The following MDGA2 variants were observed in gnomAD, a reference collection of about 807,000 sequenced individuals.
MDGA2 encodes MAM domain containing glycosylphosphatidylinositol anchor 2, also known as MAM domain-containing glycosylphosphatidylinositol anchor protein 2.
In MDGA2, 40 loss-of-function variants were observed where a neutral mutation model predicts 117.8. The observed-to-expected ratio is 0.34, with a 90% CI of 0.26 to 0.44. The LOEUF is 0.44. Ranked by LOEUF, MDGA2 falls within the 20% of genes least tolerant of loss-of-function variation. MDGA2 has a pLI of 1.00. For missense variants in MDGA2, 1,123 were observed against 1,250.6 expected (o/e 0.90, Z 1.54); for synonymous variants, 452 against 439.0 (o/e 1.03, Z -0.37).
rs1419829398 is a variant in MDGA2, at chr14:47,235,027, T to C, written c.421-16832A>G. ...TGAAATGATCAAAATCTTCATTATC[T>C]TATTGATTTTAAAAGAGTGTGAGAT... On this transcript the variant is annotated intron_variant, in intron 2 of 16. Transcript: ENST00000399232. Among the ~76,000 whole-genome samples, 5 of 152,298 alleles carry C rather than the reference T, an allele frequency of 3.3e-5. No individual in the cohort carries two copies. The East Asian group carries it at 9.7e-4, about 29-fold the overall frequency.
intron 1 of MDGA2, among the ~76,000 whole-genome samples, chr14:47,312,695 T>TTG (rs1889678132): frequency 7.8e-6 from 1 of 128,790 alleles, no homozygotes; most frequent in South Asian, 2.4e-4. Flanking sequence ...TTTGTTTTGT[T>TTG]TTGTTTTTTT....
At chr14:47,572,765 T>C (rs1390175864) in intron 1 of MDGA2, among the ~76,000 whole-genome samples, 1 of 152,174 alleles carries the variant, frequency 6.6e-6, no homozygotes, top group Non-Finnish European at 1.5e-5. Context: ...ATATATTTTT[T>C]CACAATGGAA....
At chr14:47,240,596 G>A (rs8017807) in intron 2 of MDGA2, among the ~76,000 whole-genome samples, 50,963 of 151,594 alleles carry the variant, frequency 0.34, 9,814 homozygotes, top group Admixed American at 0.51. Context: ...AACGTGGTAT[G>A]GGAGTGGAGA....
chr14:47,159,215 A>T (rs1163563735), intron 3 of MDGA2, among the ~76,000 whole-genome samples: 2 of 152,168 alleles, frequency 1.3e-5, no homozygotes, highest in African/African-American at 4.8e-5. Flanking sequence ...GTGTCAATGC[A>T]GGTTCATCAA....
intron 1 of MDGA2, among the ~76,000 whole-genome samples, chr14:47,494,956 C>T (rs1341818760): frequency 6.6e-6 from 1 of 150,744 alleles, no homozygotes; most frequent in Non-Finnish European, 1.5e-5. Context: ...CATATATATA[C>T]ACACGTCACA....
chr14:47,559,548 CAT>C (rs1895753979), intron 1 of MDGA2, among the ~76,000 whole-genome samples: 1 of 151,362 alleles, frequency 6.6e-6, no homozygotes, highest in African/African-American at 2.4e-5. Context: ...CTGTGATGAA[CAT>C]ATGAGTACAA....
At chr14:47,435,922 C>T (rs1892887767) in intron 1 of MDGA2, among the ~76,000 whole-genome samples, 1 of 152,082 alleles carries the variant, frequency 6.6e-6, no homozygotes, top group African/African-American at 2.4e-5. Context: ...TCTAGAAAAT[C>T]TACATTGTTT....
chr14:47,106,777 ACATTACCCT>A (rs1332733163), intron 5 of MDGA2, among the ~76,000 whole-genome samples: 1 of 138,170 alleles, frequency 7.2e-6, no homozygotes, highest in East Asian at 1.9e-4. Context: ...TACTCACTCC[ACATTACCCT>A]CTTTTCAAGG....
At chr14:47,514,291 G>T (rs1894706929) in intron 1 of MDGA2, among the ~76,000 whole-genome samples, 1 of 152,032 alleles carries the variant, frequency 6.6e-6, no homozygotes. Flanking sequence ...ATGCCCCCAA[G>T]TTCCTGAGAA....
At chr14:47,122,585 T>C (rs955714566) in intron 5 of MDGA2, among the ~76,000 whole-genome samples, 4 of 152,222 alleles carry the variant, frequency 2.6e-5, no homozygotes, top group South Asian at 2.1e-4. Flanking sequence ...TTGTATTTTA[T>C]TGTATCTCCT....
intron 1 of MDGA2, among the ~76,000 whole-genome samples, chr14:47,593,123 T>C (rs901240941): frequency 3.9e-5 from 6 of 152,122 alleles, no homozygotes; most frequent in African/African-American, 1.4e-4. Context: ...AACAAACACA[T>C]GAATAAAAGT....
At chr14:47,343,320 G>A (rs992236413) in intron 1 of MDGA2, 7 of 1,056,388 alleles carry the variant, frequency 6.6e-6, no homozygotes, top group African/African-American at 1.7e-5. Context: ...GACGCTGTGA[G>A]TCTATTATGA....
chr14:47,089,982 T>G (rs1219496837), intron 6 of MDGA2, among the ~76,000 whole-genome samples: 1 of 152,188 alleles, frequency 6.6e-6, no homozygotes, highest in Non-Finnish European at 1.5e-5. Context: ...TTATTACTAT[T>G]CTCTAAACAT....
intron 1 of MDGA2, among the ~76,000 whole-genome samples, chr14:47,397,185 A>G (rs1892030848): frequency 6.6e-6 from 1 of 152,206 alleles, no homozygotes; most frequent in Non-Finnish European, 1.5e-5. Context: ...TTTGCAGGAC[A>G]TGGATGAAGC....
At chr14:47,083,461 C>T (rs146467878) in intron 6 of MDGA2, among the ~76,000 whole-genome samples, 3 of 136,218 alleles carry the variant, frequency 2.2e-5, no homozygotes, top group African/African-American at 7.6e-5. Context: ...GTACACTACT[C>T]TATATTCTAG....
intron 3 of MDGA2, among the ~76,000 whole-genome samples, chr14:47,185,335 A>G (rs1884867686): frequency 6.6e-6 from 1 of 151,498 alleles, no homozygotes. Flanking sequence ...GGTGTTCTTT[A>G]ATCACTTAAC....
At chr14:47,486,900 T>C (rs995209480) in intron 1 of MDGA2, among the ~76,000 whole-genome samples, 3 of 152,214 alleles carry the variant, frequency 2.0e-5, no homozygotes, top group African/African-American at 7.2e-5. Flanking sequence ...CTCAGATATG[T>C]CTTTAGCAGC....
At chr14:47,000,422 CATATAA>C (rs1311041197) in intron 8 of MDGA2, among the ~76,000 whole-genome samples, 3 of 75,384 alleles carry the variant, frequency 4.0e-5, no homozygotes, top group Non-Finnish European at 9.9e-5. Context: ...TATATATACA[CATATAA>C]ATATATATAC....
At chr14:47,221,296 G>C (rs1886290592) in intron 2 of MDGA2, among the ~76,000 whole-genome samples, 1 of 149,276 alleles carries the variant, frequency 6.7e-6, no homozygotes, top group African/African-American at 2.4e-5. Flanking sequence ...GGGAAAATGT[G>C]TCCCTGTGGG....
Sources: allele counts gnomAD v4.1 joint callset (sites outside exome capture counted in the v4.1 genomes callset), GRCh38; gene constraint gnomAD v4.1.1; transcripts MANE v1.5; gene names NCBI Gene and HGNC (gene_info 2026-07-23, HGNC 2026-07-21).